SPATA13: variants seen among roughly 807,000 people sequenced by gnomAD.
SPATA13 encodes the protein spermatogenesis-associated protein 13.
In SPATA13, 50 loss-of-function variants were observed where a neutral mutation model predicts 104.0. The observed-to-expected ratio is 0.48, with a 90% CI of 0.38 to 0.61. The LOEUF is 0.61. Ranked by LOEUF, SPATA13 falls within the 20% of genes least tolerant of loss-of-function variation. SPATA13 has a pLI of 0.00. For missense variants in SPATA13, 1,524 were observed against 1,690.6 expected (o/e 0.90, Z 1.73); for synonymous variants, 606 against 667.5 (o/e 0.91, Z 1.42).
chr13:24,249,569 G>A lies in SPATA13; in HGVS notation c.1746G>A (p.Gly582=). ...QRTPKRRWGS[G]RRPRPRPFSD... ...CCCCCAAGAGGAGATGGGGCTCTGG[G>A]AGACGGCCAAGGCCTCGGCCATTCT... The change falls in exon 3 of 13, where the codon GGG becomes GGA. Residue 582 remains glycine (G), a synonymous_variant. Coordinates refer to ENST00000382108, the MANE Select transcript of SPATA13 (RefSeq NM_001166271.3). 6.2e-7 allele frequency: 1 copy of A among 1,613,956 alleles called. No homozygotes were observed. Among genetic ancestry groups the A allele is most frequent in the Non-Finnish European group, 8.5e-7 (1 of 1,179,832 alleles).
At chr13:24,089,657 T>C (rs1879850795) in intron 3 of SPATA13, among the ~76,000 whole-genome samples, 1 of 152,258 alleles carries the variant, frequency 6.6e-6, no homozygotes. Context: ...GTGCAGTCCA[T>C]GCGATATTTG....
chr13:24,189,944 C>CTTAATATATTATATATAATTAT lies in SPATA13; in HGVS notation c.-112+29012_-112+29013insTTAATATATTATATATAATTAT, dbSNP rs1566140820. Among the ~76,000 whole-genome samples the CTTAATATATTATATATAATTAT allele has an allele frequency of 1.0e-4, 3 of 29,020 alleles. 1 individual carries two copies. Among genetic ancestry groups the CTTAATATATTATATATAATTAT allele is most frequent in the Non-Finnish European group, 1.8e-4 (3 of 16,596 alleles). 19.0% of individuals were successfully genotyped at this position (29,020 alleles called of 152,430 possible). ...TATTATATAATTATATAATATATTACATAATATATTATATAATTATAAAAT... is the reference window on the plus strand; with the variant it reads ...TATTATATAATTATATAATATATTACTTAATATATTATATATAATTATATAATATATTATATAATTATAAAAT... On this transcript the variant is annotated intron_variant, in intron 1 of 12. Transcript: ENST00000382108.
rs935033821 is a variant in SPATA13, at chr13:24,286,834, G to C, written c.2551G>C (p.Ala851Pro). The C allele has an allele frequency of 6.2e-7, 1 of 1,613,612 alleles. No individual in the cohort carries two copies. The highest frequency in any genetic ancestry group is 1.3e-5 in the African/African-American group (1 of 75,018). Residue 851 changes from alanine (A) to proline (P), a missense_variant, in exon 7 of 13, where the codon GCC becomes CCC. Transcript: ENST00000382108. The surrounding 1 kb of genome is among the most constrained non-coding windows in gnomAD (Gnocchi z 4.9). ...CCCCAGTGAGGAGCAGGACGAGGAG[G>C]CCAGCCAGAGCCGCCACAGACACTG... ...STPSEEQDEE[A>P]SQSRHRHCEN... is the part of the protein sequence containing the mutation.
At chr13:24,007,845 T>C (rs1876301046) in intron 2 of SPATA13, among the ~76,000 whole-genome samples, 1 of 152,228 alleles carries the variant, frequency 6.6e-6, no homozygotes, top group Non-Finnish European at 1.5e-5. Context: ...AATGAAATAT[T>C]ACATATACTC....
In SPATA13 at chr13:24,097,741, G is replaced by C. The variant is rs111522446; in HGVS notation, c.-112+80040G>C. Among the ~76,000 whole-genome samples, 516 of 152,304 alleles carry C rather than the reference G, an allele frequency of 3.4e-3. 4 individuals carry two copies. Among genetic ancestry groups the C allele is most frequent in the African/African-American group, 0.012 (491 of 41,554 alleles). ...ACCGGGTACCTGGATCATGTAAGGA[G>C]AGGGACCCCCCAACATAGCCAAAGG... On this transcript the variant is annotated intron_variant, in intron 3 of 14. Coordinates refer to the SPATA13 transcript ENST00000424834.
At chr13:24,130,820 A>G (rs1881370287) in intron 3 of SPATA13, among the ~76,000 whole-genome samples, 3 of 152,222 alleles carry the variant, frequency 2.0e-5, no homozygotes. Context: ...TCAGATGGTG[A>G]CTGCTTTTTA....
chr13:24,194,480 G>C (rs146270770), intron 1 of SPATA13, among the ~76,000 whole-genome samples: 1 of 152,230 alleles, frequency 6.6e-6, no homozygotes, highest in Non-Finnish European at 1.5e-5. Flanking sequence ...CTGTGAAATA[G>C]GAGAAACCAA....
chr13:24,303,114 G>T lies in SPATA13; in HGVS notation c.*341G>T. The T allele has an allele frequency of 2.6e-6, 1 of 388,908 alleles. No individual in the cohort carries two copies. Among genetic ancestry groups the T allele is most frequent in the Non-Finnish European group, 4.9e-6 (1 of 202,128 alleles). The allele number at this position is 388,908 out of a possible 1,614,324, so 24.1% of individuals were successfully genotyped here. A position where few individuals can be genotyped will look rare whatever the true frequency, so the allele number is the denominator to read the frequency against. Reference sequence around the variant, plus strand: ...TGCTGATGATGAGCAAGTGCCTGCTGCAGGTCCAAACACAGCATCCAGGGC... The same window carrying T: ...TGCTGATGATGAGCAAGTGCCTGCTTCAGGTCCAAACACAGCATCCAGGGC... On this transcript the variant is annotated 3_prime_UTR_variant, in exon 13 of 13. Transcript: ENST00000382108.
chr13:24,146,596 T>G (rs1171842641), intron 3 of SPATA13, among the ~76,000 whole-genome samples: 3 of 151,866 alleles, frequency 2.0e-5, no homozygotes, highest in African/African-American at 7.3e-5. Context: ...AAATAACCTC[T>G]AAAATGTTCT....
rs1282244827 is a variant in SPATA13 at position 24,223,927 on chromosome 13, G to A, written c.998G>A (p.Arg333Lys). Residue 333 changes from arginine (R) to lysine (K), a missense_variant, in exon 2 of 13, where the codon AGG becomes AAG. By Grantham distance (26) the Arg-to-Lys change is conservative. Transcript: ENST00000382108. ...LVSNVTEAAW[R>K]RESPRSGAPS... ...AGCAATGTGACTGAGGCTGCCTGGA[G>A]GAGGGAGAGTCCTAGGAGTGGGGCC... 5.8e-6 allele frequency: 9 copies of A among 1,551,416 alleles called. No homozygotes were observed. Among genetic ancestry groups the A allele is most frequent in the South Asian group, 1.2e-5 (1 of 84,056 alleles).
intron 1 of SPATA13, among the ~76,000 whole-genome samples, chr13:24,192,787 C>G (rs1869838670): frequency 6.6e-6 from 1 of 151,900 alleles, no homozygotes; most frequent in Non-Finnish European, 1.5e-5. Context: ...TTGAAGATCT[C>G]AAGGATTTTG....
At chr13:24,049,070 A>T (rs1878246819) in intron 3 of SPATA13, among the ~76,000 whole-genome samples, 1 of 152,242 alleles carries the variant, frequency 6.6e-6, no homozygotes, top group Non-Finnish European at 1.5e-5. Flanking sequence ...AAGGTTAAAA[A>T]GATAAGAAAT....
chr13:24,271,541 G>A (rs1487526291), intron 4 of SPATA13, among the ~76,000 whole-genome samples: 1 of 152,124 alleles, frequency 6.6e-6, no homozygotes, highest in African/African-American at 2.4e-5. Context: ...TATTCTGTGA[G>A]TATTGGACTA....
intron 2 of SPATA13, among the ~76,000 whole-genome samples, chr13:24,247,749 C>T (rs1873232218): frequency 6.6e-6 from 1 of 152,132 alleles, no homozygotes; most frequent in African/African-American, 2.4e-5. Context: ...TCCCAAAGTG[C>T]TGGGATTACG....
intron 3 of SPATA13, among the ~76,000 whole-genome samples, chr13:24,148,589 T>C (rs1882005840): frequency 6.6e-6 from 1 of 152,188 alleles, no homozygotes; most frequent in African/African-American, 2.4e-5. Context: ...ACCAGTGTGA[T>C]ACGTTAGGAG....
At chr13:24,110,150 T>A (rs547365023) in intron 3 of SPATA13, among the ~76,000 whole-genome samples, 66 of 151,956 alleles carry the variant, frequency 4.3e-4, no homozygotes, top group Non-Finnish European at 8.4e-4. Flanking sequence ...TTACCTTCTC[T>A]GGCTTTCCAG....
At chr13:24,073,379 T>G (rs1038813731) in intron 3 of SPATA13, among the ~76,000 whole-genome samples, 10 of 152,260 alleles carry the variant, frequency 6.6e-5, no homozygotes, top group Non-Finnish European at 7.3e-5. Flanking sequence ...CATGTAATTT[T>G]GTTACTTGTT....
At chr13:24,231,404 A>G (rs1566163728) in intron 2 of SPATA13, among the ~76,000 whole-genome samples, 1 of 152,190 alleles carries the variant, frequency 6.6e-6, no homozygotes, top group African/African-American at 2.4e-5. Flanking sequence ...CTTGTTTTCA[A>G]GGTTTGTCCA....
intron 3 of SPATA13, among the ~76,000 whole-genome samples, chr13:24,059,740 G>A (rs1054006126): frequency 1.3e-5 from 2 of 152,190 alleles, no homozygotes; most frequent in African/African-American, 4.8e-5. Flanking sequence ...CAGGTGAAGA[G>A]CTTTGGGCCT....
Sources: allele counts gnomAD v4.1 joint callset (sites outside exome capture counted in the v4.1 genomes callset), GRCh38; gene constraint gnomAD v4.1.1; non-coding constraint Gnocchi (gnomAD v3.1); transcripts MANE v1.5; gene names NCBI Gene and HGNC (gene_info 2026-07-23, HGNC 2026-07-21).